The following GRM8 variants were observed in gnomAD, a reference collection of about 807,000 sequenced individuals.
The protein encoded by GRM8 is metabotropic glutamate receptor 8.
In GRM8, 47 loss-of-function variants were observed where a neutral mutation model predicts 87.2. The observed-to-expected ratio is 0.54, with a 90% CI of 0.43 to 0.69. The LOEUF is 0.69. GRM8 is among the 30% of genes least tolerant of loss of function. GRM8 has a pLI of 0.00. For missense variants in GRM8, 1,019 were observed against 1,139.2 expected, an observed-to-expected ratio of 0.89 and a Z score of 1.52; for synonymous variants, 396 against 404.5, an observed-to-expected ratio of 0.98 and a Z score of 0.25.
intron 8 of GRM8, among the ~76,000 whole-genome samples, chr7:126,588,643 A>C (rs1264045377): frequency 6.6e-6 from 1 of 152,170 alleles, no homozygotes; most frequent in Non-Finnish European, 1.5e-5. Context: ...ACTAAATTGC[A>C]GCTCCCACTC....
intron 8 of GRM8, among the ~76,000 whole-genome samples, chr7:126,578,392 G>A (rs866795594): frequency 3.3e-5 from 5 of 152,270 alleles, no homozygotes; most frequent in Middle Eastern, 6.8e-3. Context: ...TGGCAGAAAG[G>A]AGATTAGTAG....
intron 3 of GRM8, among the ~76,000 whole-genome samples, chr7:127,011,283 C>T (rs1272194785): frequency 6.6e-6 from 1 of 152,118 alleles, no homozygotes; most frequent in Non-Finnish European, 1.5e-5. Flanking sequence ...AAGTAGTCAA[C>T]ATTCAGTAAA....
At chr7:127,055,262 T>C (rs531090989) in intron 3 of GRM8, among the ~76,000 whole-genome samples, 1 of 152,250 alleles carries the variant, frequency 6.6e-6, no homozygotes, top group African/African-American at 2.4e-5. Flanking sequence ...ATGGCATCTA[T>C]CTTTAAATAT....
rs762483123 is a variant in GRM8 at position 126,439,069 on chromosome 7, T to C, written c.*50A>G. On this transcript the variant is annotated 3_prime_UTR_variant, in exon 11 of 11. Transcript: ENST00000339582. ...GTGAATTTTTGCGGTCTCATGTTCA[T>C]CATTTAAGATCATATACCACATCTC... 9.0e-7 allele frequency: 1 copy of C among 1,110,480 alleles called. No individual in the cohort carries two copies. Among genetic ancestry groups the C allele is most frequent in the Non-Finnish European group, 1.4e-6 (1 of 720,796 alleles). The allele number at this position is 1,110,480 out of a possible 1,614,324, so 68.8% of individuals were successfully genotyped here.
intron 3 of GRM8, among the ~76,000 whole-genome samples, chr7:126,938,876 T>C (rs544747564): frequency 3.3e-5 from 5 of 152,294 alleles, no homozygotes; most frequent in African/African-American, 9.6e-5. Context: ...TGAAAACAGA[T>C]GGATCGTTTA....
intron 3 of GRM8, among the ~76,000 whole-genome samples, chr7:127,053,466 T>G (rs1819674296): frequency 6.6e-6 from 1 of 152,210 alleles, no homozygotes; most frequent in African/African-American, 2.4e-5. Flanking sequence ...TACTTACTTA[T>G]ATTGATTATA....
chr7:126,440,856 A>C (rs1453233762), intron 10 of GRM8, among the ~76,000 whole-genome samples: 2 of 152,134 alleles, frequency 1.3e-5, no homozygotes, highest in East Asian at 3.9e-4. Context: ...AAATGACAGT[A>C]GAAACAAAAA....
At chr7:126,503,638 T>C (rs1809974301) in intron 9 of GRM8, among the ~76,000 whole-genome samples, 1 of 152,078 alleles carries the variant, frequency 6.6e-6, no homozygotes. Flanking sequence ...GAAATATGCA[T>C]TATATAGTAA....
chr7:126,453,786 A>G (rs1228543303), intron 9 of GRM8, among the ~76,000 whole-genome samples: 1 of 151,806 alleles, frequency 6.6e-6, no homozygotes, highest in East Asian at 1.9e-4. Context: ...GTGGTCTTTA[A>G]TTTTCAATTA....
intron 7 of GRM8, among the ~76,000 whole-genome samples, chr7:126,654,304 A>G (rs1350827667): frequency 1.3e-5 from 2 of 152,220 alleles, no homozygotes; most frequent in Non-Finnish European, 2.9e-5. Flanking sequence ...TGGCTCTGCT[A>G]GTATCCTGCT....
rs142591660 is a variant in GRM8 at position 127,028,079 on chromosome 7, G to A, written c.727+78417C>T. On this transcript the variant is annotated intron_variant, in intron 3 of 10. Transcript: ENST00000339582. ...GTCAAAGGACTTTTCTGCATCTACTGAGATAATCATGTGGTTTTTGTCATT... is the reference window on the plus strand; with the variant it reads ...GTCAAAGGACTTTTCTGCATCTACTAAGATAATCATGTGGTTTTTGTCATT... 9.5e-4 allele frequency among the ~76,000 whole-genome samples: 144 copies of A among 152,272 alleles called. 3 individuals carry two copies. In the East Asian group the frequency reaches 0.022, roughly 23 times the overall value.
At chr7:126,651,818 C>G (rs1032673132) in intron 7 of GRM8, among the ~76,000 whole-genome samples, 1 of 151,804 alleles carries the variant, frequency 6.6e-6, no homozygotes, top group Non-Finnish European at 1.5e-5. Flanking sequence ...AGATCAATTG[C>G]GGCGTCTCTT....
intron 7 of GRM8, among the ~76,000 whole-genome samples, chr7:126,652,579 A>C (rs986266396): frequency 6.6e-6 from 1 of 152,188 alleles, no homozygotes; most frequent in Admixed American, 6.5e-5. Flanking sequence ...CAGAATATAA[A>C]GCAGGCAGAA....
chr7:126,579,345 G>A (rs1417733697), intron 8 of GRM8, among the ~76,000 whole-genome samples: 1 of 152,078 alleles, frequency 6.6e-6, no homozygotes, highest in East Asian at 1.9e-4. Context: ...CAATTCTATA[G>A]TATTTTGAAG....
At chr7:127,071,904 T>C (rs1033545106) in intron 3 of GRM8, among the ~76,000 whole-genome samples, 4 of 152,126 alleles carry the variant, frequency 2.6e-5, no homozygotes, top group Admixed American at 6.5e-5. Context: ...TAGGTATCTT[T>C]GCTTTCAGTA....
At chr7:126,454,189 GTATCTC>G (rs1248478262) in intron 9 of GRM8, among the ~76,000 whole-genome samples, 3 of 151,790 alleles carry the variant, frequency 2.0e-5, no homozygotes, top group Non-Finnish European at 4.4e-5. Context: ...ATATTTTAAA[GTATCTC>G]TATCTCTATC....
chr7:126,517,314 C>CT (rs1812324946), intron 9 of GRM8, among the ~76,000 whole-genome samples: 1 of 152,020 alleles, frequency 6.6e-6, no homozygotes, highest in Non-Finnish European at 1.5e-5. Context: ...AATGAAGACT[C>CT]GTCATCTCAC....
At chr7:126,624,020 C>A (rs187733344) in intron 7 of GRM8, among the ~76,000 whole-genome samples, 1 of 152,144 alleles carries the variant, frequency 6.6e-6, no homozygotes, top group Non-Finnish European at 1.5e-5. Flanking sequence ...TTTGCCCATT[C>A]TTTTTACCCC....
chr7:126,949,930 G>A (rs1032055762), intron 3 of GRM8, among the ~76,000 whole-genome samples: 2 of 152,110 alleles, frequency 1.3e-5, no homozygotes, highest in Non-Finnish European at 2.9e-5. Context: ...CAGCCTTAGA[G>A]GAAGCCTGTA....
Sources: allele counts gnomAD v4.1 joint callset (sites outside exome capture counted in the v4.1 genomes callset), GRCh38; gene constraint gnomAD v4.1.1; transcripts MANE v1.5; gene names NCBI Gene and HGNC (gene_info 2026-07-23, HGNC 2026-07-21).